The following CSNK1A1 variants were observed in gnomAD, a reference collection of about 807,000 sequenced individuals.
The protein encoded by CSNK1A1 is casein kinase I isoform alpha.
A neutral mutation model predicts 46.1 loss-of-function variants in CSNK1A1; 7 were observed. That is an observed-to-expected ratio of 0.15 (90% confidence interval 0.09 to 0.29). CSNK1A1 has a LOEUF of 0.29. Among genes scored for constraint, CSNK1A1 ranks in the 10% least tolerant of loss-of-function variants. CSNK1A1 has a pLI of 1.00. For missense variants in CSNK1A1, 96 were observed against 417.1 expected (o/e 0.23, Z 6.71); for synonymous variants, 137 against 141.5 (o/e 0.97, Z 0.23).
intron 9 of CSNK1A1, chr5:149,502,112 A>G (rs1449977212): frequency 3.1e-6 from 3 of 981,140 alleles, no homozygotes; most frequent in Non-Finnish European, 3.6e-6. Flanking sequence ...CCAGACTTAA[A>G]GAATCTTTAA....
At chr5:149,497,351 G>C (rs1760686084) in intron 9 of CSNK1A1, 1 of 986,260 alleles carries the variant, frequency 1.0e-6, no homozygotes, top group South Asian at 4.7e-5. Flanking sequence ...ACAAAGACCT[G>C]AGAAGCATGT....
rs1343642682 is a variant in CSNK1A1 at position 149,496,621 on chromosome 5, C to A, written c.*232G>T. ...AAAAAATGCAATAGAAAACCGGACA[C>A]CATGTTTCACTATCTCAGTTAATAT... On this transcript the variant is annotated 3_prime_UTR_variant, in exon 10 of 10. Transcript: ENST00000377843. The A allele has an allele frequency of 2.3e-6, 1 of 440,184 alleles. No individual in the cohort carries two copies. Among genetic ancestry groups the A allele is most frequent in the Admixed American group, 4.0e-5 (1 of 24,844 alleles). The allele number at this position is 440,184 out of a possible 1,614,324, so 27.3% of individuals were successfully genotyped here. A position where few individuals can be genotyped will look rare whatever the true frequency, so the allele number is the denominator to read the frequency against.
chr5:149,541,185 A>T (rs1762218446), intron 2 of CSNK1A1, among the ~76,000 whole-genome samples: 1 of 145,416 alleles, frequency 6.9e-6, no homozygotes, highest in African/African-American at 2.6e-5. Flanking sequence ...TGGAGTCTCC[A>T]TCTGTCACCC....
intron 2 of CSNK1A1, among the ~76,000 whole-genome samples, chr5:149,542,636 ATATG>A (rs1561772490): frequency 5.1e-4 from 5 of 9,782 alleles, no homozygotes; most frequent in African/African-American, 2.6e-3. Context: ...ATATATATAT[ATATG>A]TATATATATA....
chr5:149,513,171 T>G lies in CSNK1A1; in HGVS notation c.495A>C (p.Arg165Ser). The stretch of plus-strand genomic sequence containing the variant: ...GTATGTGTTGCCTTGTCCTGTTGTC[T>G]CTGTACTTTTTGGCCAAACCAAAAT... Reference protein sequence around the residue: ...LIDFGLAKKYRDNRTRQHIPY... With the variant: ...LIDFGLAKKYSDNRTRQHIPY... The change falls in exon 5 of 10, where the codon AGA (arginine) becomes AGC (serine). Residue 165 changes from arginine (R) to serine (S), a missense_variant. By Grantham distance (110) the Arg-to-Ser change is moderately radical. Coordinates refer to ENST00000377843, the MANE Select transcript of CSNK1A1 (RefSeq NM_001892.6). 6.2e-7 allele frequency: 1 copy of G among 1,614,070 alleles called. No individual in the cohort carries two copies. Among genetic ancestry groups the G allele is most frequent in the Non-Finnish European group, 8.5e-7 (1 of 1,179,988 alleles).
chr5:149,503,970 C>A (rs1372477416), intron 9 of CSNK1A1: 1 of 985,268 alleles, frequency 1.0e-6, no homozygotes, highest in African/African-American at 1.7e-5. Flanking sequence ...TCAGGTGTAA[C>A]AAGTCCTTGG....
chr5:149,542,653 TA>T (rs1762323278), intron 2 of CSNK1A1, among the ~76,000 whole-genome samples: 1 of 8,498 alleles, frequency 1.2e-4, no homozygotes, highest in African/African-American at 6.9e-4. Context: ...TATATATATA[TA>T]TATATATATA....
At chr5:149,548,884 C>T (rs1478339609) in intron 2 of CSNK1A1, among the ~76,000 whole-genome samples, 2 of 152,128 alleles carry the variant, frequency 1.3e-5, no homozygotes, top group South Asian at 2.1e-4. Context: ...ACAGTAAGTA[C>T]CATTCTTACC....
Position 149,550,163 on chromosome 5 carries a change from C to T in CSNK1A1, c.142G>A (p.Glu48Lys). ...TNGEEVAVKL[E>K]SQKARHPQLL... Reference sequence around the variant, plus strand: ...TGGGGATGCCTGGCCTTCTGAGATTCTAGCTTCACTGCCACTTCCTGCAGG... The same window carrying T: ...TGGGGATGCCTGGCCTTCTGAGATTTTAGCTTCACTGCCACTTCCTGCAGG... The change falls in exon 2 of 10, where the codon GAA (glutamate) becomes AAA (lysine). Residue 48 changes from glutamate (E) to lysine (K), a missense_variant. Glu to Lys is a moderately conservative substitution (Grantham distance 56). Coordinates refer to ENST00000377843, the MANE Select transcript of CSNK1A1 (RefSeq NM_001892.6). The surrounding 1 kb of genome is among the most constrained non-coding windows in gnomAD (Gnocchi z 4.3). 1 of 1,613,796 alleles carries T rather than the reference C, an allele frequency of 6.2e-7. No homozygotes were observed.
intron 9 of CSNK1A1, chr5:149,503,618 A>C: frequency 1.0e-6 from 1 of 985,304 alleles, no homozygotes; most frequent in Non-Finnish European, 1.2e-6. Flanking sequence ...TACAATACAA[A>C]ATAAGGATTA....
intron 2 of CSNK1A1, among the ~76,000 whole-genome samples, chr5:149,544,651 G>GT (rs908492039): frequency 6.7e-6 from 1 of 148,654 alleles, no homozygotes; most frequent in African/African-American, 2.5e-5. Flanking sequence ...TTGTACACAG[G>GT]TTTTTTTCTG....
In CSNK1A1 at chr5:149,525,210, G is replaced by T. The variant is rs1183194201; in HGVS notation, c.231-39C>A. On this transcript the variant is annotated intron_variant, in intron 2 of 9. Coordinates refer to ENST00000377843, the MANE Select transcript of CSNK1A1 (RefSeq NM_001892.6). This position sits in a 1 kb window ranked among gnomAD's most constrained non-coding sequence, Gnocchi z 4.2. ...AGGAGAAGAGAGGATATTACAAAAAGCTATTACTTAATATCATCAACCCTA... is the reference window on the plus strand; with the variant it reads ...AGGAGAAGAGAGGATATTACAAAAATCTATTACTTAATATCATCAACCCTA... 1 of 1,543,164 alleles carries T rather than the reference G, an allele frequency of 6.5e-7. No individual in the cohort carries two copies. The highest frequency in any genetic ancestry group is 2.1e-5 in the Admixed American group (1 of 48,016).
At position 149,503,985 on chromosome 5, in the gene CSNK1A1, G is replaced by C. The variant is rs569459058; in HGVS notation, c.1006+1462C>G. The C allele has an allele frequency of 4.1e-6, 4 of 985,408 alleles. No homozygotes were observed. The African/African-American group carries it at 7.0e-5, about 17-fold the overall frequency. The allele number at this position is 985,408 out of a possible 1,614,324, so 61.0% of individuals were successfully genotyped here. ...TCAGGTGTAACAAGTCCTTGGGTTA[G>C]AGACTCTGTTTGGTCTTACCTAAAA... On this transcript the variant is annotated intron_variant, in intron 9 of 9. Coordinates refer to ENST00000377843, the MANE Select transcript of CSNK1A1 (RefSeq NM_001892.6).
chr5:149,544,226 T>G (rs1762391766), intron 2 of CSNK1A1, among the ~76,000 whole-genome samples: 1 of 152,192 alleles, frequency 6.6e-6, no homozygotes, highest in South Asian at 2.1e-4. Context: ...AATCCTTTTT[T>G]TATGTTCTAA....
At position 149,496,068 on chromosome 5, in the gene CSNK1A1, AGAT is replaced by A. The variant is rs369128269; in HGVS notation, c.*782_*784del. 32 of 152,788 alleles carry A rather than the reference AGAT, an allele frequency of 2.1e-4. No individual in the cohort carries two copies. Among genetic ancestry groups the A allele is most frequent in the African/African-American group, 7.2e-4 (30 of 41,590 alleles). The allele number at this position is 152,788 out of a possible 1,614,324, so 9.5% of individuals were successfully genotyped here. ...ATAAAAACAAAATCCCAGATCATAT[AGAT>A]GTTTACAGTGATTACATTTATCTAA... On this transcript the variant is annotated 3_prime_UTR_variant, in exon 10 of 10. Coordinates refer to ENST00000377843, the MANE Select transcript of CSNK1A1 (RefSeq NM_001892.6).
intron 2 of CSNK1A1, among the ~76,000 whole-genome samples, chr5:149,528,589 C>A (rs1761791905): frequency 6.6e-6 from 1 of 152,166 alleles, no homozygotes; most frequent in Admixed American, 6.5e-5. Flanking sequence ...TCCATGCTTC[C>A]CACGTCTATT....
intron 7 of CSNK1A1, among the ~76,000 whole-genome samples, chr5:149,509,401 G>C (rs1412495838): frequency 1.3e-5 from 2 of 152,180 alleles, no homozygotes; most frequent in East Asian, 3.9e-4. Context: ...ATTTGAGACA[G>C]AGTCTTACTC....
At chr5:149,498,242 AAAT>A in intron 9 of CSNK1A1, 5 of 984,526 alleles carry the variant, frequency 5.1e-6, no homozygotes, top group Non-Finnish European at 6.0e-6. Context: ...TTTTTTTGGG[AAAT>A]AATAGCGAAC....
chr5:149,516,534 T>A (rs1399059382), intron 4 of CSNK1A1, among the ~76,000 whole-genome samples: 4 of 151,688 alleles, frequency 2.6e-5, no homozygotes, highest in Admixed American at 2.0e-4. Flanking sequence ...ATTCACAAGG[T>A]CACTTTACTA....
Sources: allele counts gnomAD v4.1 joint callset (sites outside exome capture counted in the v4.1 genomes callset), GRCh38; gene constraint gnomAD v4.1.1; non-coding constraint Gnocchi (gnomAD v3.1); transcripts MANE v1.5; gene names NCBI Gene and HGNC (gene_info 2026-07-23, HGNC 2026-07-21).